Variants in HS1BP3 observed in about 807,000 individuals in gnomAD.
HS1BP3 encodes the protein HCLS1-binding protein 3.
A neutral mutation model predicts 33.5 loss-of-function variants in HS1BP3; 32 were observed. The observed-to-expected ratio is 0.95, with a 90% CI of 0.72 to 1.28. The LOEUF (loss-of-function observed/expected upper bound fraction) is 1.28. Among genes scored for constraint, HS1BP3 ranks in the 50% most tolerant of loss-of-function variants. The pLI is 0.00. For missense variants in HS1BP3, 486 were observed against 502.3 expected (o/e 0.97, Z 0.31); for synonymous variants, 187 against 209.2 (o/e 0.89, Z 0.92).
At chr2:20,604,017 C>T (rs751066400) in intron 2 of HS1BP3, among the ~76,000 whole-genome samples, 4 of 152,244 alleles carry the variant, frequency 2.6e-5, no homozygotes, top group Non-Finnish European at 5.9e-5. Flanking sequence ...AGAGGGCCCT[C>T]CAAGACCCCT....
chr2:20,605,653 G>C (rs758819255), intron 2 of HS1BP3, among the ~76,000 whole-genome samples: 2 of 151,970 alleles, frequency 1.3e-5, no homozygotes, highest in African/African-American at 2.4e-5. Context: ...GTCTTTTCTG[G>C]GTATTTCATA....
At chr2:20,577,659 G>GGA (rs1328886158) in intron 5 of HS1BP3, among the ~76,000 whole-genome samples, 1 of 152,180 alleles carries the variant, frequency 6.6e-6, no homozygotes, top group African/African-American at 2.4e-5. Flanking sequence ...AGCCTGGGAG[G>GGA]GAGAGAGGGT....
intron 2 of HS1BP3, among the ~76,000 whole-genome samples, chr2:20,603,416 C>T (rs1158845595): frequency 6.6e-6 from 1 of 152,212 alleles, no homozygotes; most frequent in African/African-American, 2.4e-5. Flanking sequence ...TGGCCCAGGT[C>T]TCCTGATACA....
intron 2 of HS1BP3, 90 bp downstream of exon 2, chr2:20,645,250 G>T: frequency 1.5e-6 from 2 of 1,333,106 alleles, no homozygotes; most frequent in South Asian, 2.7e-5. Context: ...CACTTGCTCT[G>T]GATGCTACTT....
intron 2 of HS1BP3, among the ~76,000 whole-genome samples, chr2:20,599,609 AACACACACACACAC>A (rs59149167): frequency 1.3e-3 from 178 of 136,252 alleles, no homozygotes; most frequent in African/African-American, 3.6e-3. Context: ...CTTCTTGTGT[AACACACACACACAC>A]ACACACACAC....
At chr2:20,643,030 A>G (rs960588867) in intron 2 of HS1BP3, among the ~76,000 whole-genome samples, 11 of 152,230 alleles carry the variant, frequency 7.2e-5, no homozygotes, top group African/African-American at 2.7e-4. Context: ...TTTTAAGTAG[A>G]TACAAAATGC....
At chr2:20,585,277 C>T (rs1023978521) in intron 5 of HS1BP3, among the ~76,000 whole-genome samples, 4 of 152,136 alleles carry the variant, frequency 2.6e-5, no homozygotes, top group African/African-American at 4.8e-5. Flanking sequence ...CAGAGCTCAG[C>T]GCTAGGCTGA....
chr2:20,620,181 A>G (rs534352665), intron 6 of HS1BP3, among the ~76,000 whole-genome samples: 1 of 152,374 alleles, frequency 6.6e-6, no homozygotes, highest in Non-Finnish European at 1.5e-5. Flanking sequence ...TGATGGCCAG[A>G]CATTTCCACA....
Position 20,624,874 on chromosome 2 carries a change from T to C in HS1BP3, c.642A>G (p.Lys214=), listed in dbSNP as rs1231264661. ...TGGCTTTCACGGCCACTTTGGGATG[T>C]TTCTTGGGCTTCTTGGAGCTGGAGA... ...LGIMRSKKPK[K]HPKVAVKAKP... The change falls in exon 5 of 7, where the codon AAA becomes AAG. Residue 214 remains lysine (K), a synonymous_variant. Coordinates refer to ENST00000304031, the MANE Select transcript of HS1BP3 (RefSeq NM_022460.4). The C allele has an allele frequency of 1.2e-6, 2 of 1,613,456 alleles. No individual in the cohort carries two copies. Among genetic ancestry groups the C allele is most frequent in the East Asian group, 2.2e-5 (1 of 44,892 alleles).
chr2:20,619,184 G>A lies in HS1BP3; in HGVS notation c.982C>T (p.Leu328Phe). ...LGAEPKPKPQ[L>F]KPKPPVAAKP... The stretch of plus-strand genomic sequence containing the variant: ...GCTGCCACTGGTGGCTTGGGCTTAA[G>A]CTGGGGCTTGGGTTTGGGCTCAGCT... The change falls in exon 7 of 7, where the codon CTT becomes TTT. Residue 328 changes from leucine (L) to phenylalanine (F), a missense_variant. Transcript: ENST00000304031. 1 of 1,614,046 alleles carries A rather than the reference G, an allele frequency of 6.2e-7. No homozygotes were observed. The highest frequency in any genetic ancestry group is 8.5e-7 in the Non-Finnish European group (1 of 1,179,950).
At chr2:20,573,459 A>G (rs4666428) in intron 5 of HS1BP3, among the ~76,000 whole-genome samples, 110,150 of 152,240 alleles carry the variant, frequency 0.72, 43,324 homozygotes, top group East Asian at 0.98. Context: ...CCAAGCCCCT[A>G]ACTGCTTTTA....
chr2:20,568,393 C>T (rs2149271590), intron 5 of HS1BP3, among the ~76,000 whole-genome samples: 1 of 152,180 alleles, frequency 6.6e-6, no homozygotes, highest in South Asian at 2.1e-4. Flanking sequence ...GTGGGGGTTC[C>T]TAGGAGCTGG....
chr2:20,642,162 A>T (rs1437549327), intron 2 of HS1BP3, among the ~76,000 whole-genome samples: 1 of 152,116 alleles, frequency 6.6e-6, no homozygotes, highest in African/African-American at 2.4e-5. Context: ...AGTGTGGGTC[A>T]CTCACTCTTA....
downstream of HS1BP3, among the ~76,000 whole-genome samples, chr2:20,617,266 G>A (rs1694448632): frequency 1.3e-5 from 2 of 152,208 alleles, no homozygotes; most frequent in Admixed American, 6.5e-5. Context: ...CAGTCAGCAA[G>A]GGATGCAGGG....
chr2:20,571,104 G>C (rs1034749838), intron 5 of HS1BP3, among the ~76,000 whole-genome samples: 4 of 152,184 alleles, frequency 2.6e-5, no homozygotes, highest in Admixed American at 2.6e-4. Context: ...CTGAGACATA[G>C]ACCAGGCCTT....
chr2:20,627,359 C>CGG (rs1211022501), intron 4 of HS1BP3, among the ~76,000 whole-genome samples: 1 of 152,236 alleles, frequency 6.6e-6, no homozygotes, highest in Non-Finnish European at 1.5e-5. Flanking sequence ...ACGGGCCCCT[C>CGG]GGGGCAGGGG....
rs539461714 is a variant in HS1BP3, at chr2:20,623,915, C to T, written c.901G>A (p.Ala301Thr). 5.8e-5 allele frequency: 93 copies of T among 1,612,290 alleles called. No individual in the cohort carries two copies. Among genetic ancestry groups the T allele is most frequent in the South Asian group, 1.3e-4 (12 of 90,960 alleles). Reference sequence around the variant, plus strand: ...TGGTACCTGAACAGTTCCTTGGAGGCGTCCCTGTGGCTGAGGCTGGGTGTG... The same window carrying T: ...TGGTACCTGAACAGTTCCTTGGAGGTGTCCCTGTGGCTGAGGCTGGGTGTG... ...GPTPSLSHRDASKELFRVEED... is the reference protein window; with the variant it reads ...GPTPSLSHRDTSKELFRVEED... Residue 301 changes from alanine (A) to threonine (T), a missense_variant, in exon 6 of 7, where the codon GCC becomes ACC. By Grantham distance (58) the Ala-to-Thr change is moderately conservative (BLOSUM62 0). Transcript: ENST00000304031.
chr2:20,561,492 G>A (rs1692992718), intron 5 of HS1BP3, among the ~76,000 whole-genome samples: 1 of 152,076 alleles, frequency 6.6e-6, no homozygotes, highest in South Asian at 2.1e-4. Flanking sequence ...GCTGGTCCAC[G>A]ATGCCACAAT....
intron 5 of HS1BP3, among the ~76,000 whole-genome samples, chr2:20,569,836 C>T (rs543779151): frequency 6.6e-6 from 1 of 152,330 alleles, no homozygotes; most frequent in South Asian, 2.1e-4. Context: ...TGAACCTTGC[C>T]CTGCTTCCCA....
Sources: gnomAD v4.1 joint callset for allele counts (sites outside exome capture counted in the v4.1 genomes callset) on GRCh38, gnomAD v4.1.1 for gene constraint, MANE v1.5 for transcripts, NCBI Gene and HGNC (gene_info 2026-07-23, HGNC 2026-07-21) for gene names.